The following ZNF7 variants were observed in gnomAD, a reference collection of about 807,000 sequenced individuals.
ZNF7 encodes C2-H2 type zinc finger protein.
A neutral mutation model predicts 12.0 loss-of-function variants in ZNF7; 10 were observed. The observed-to-expected ratio is 0.83, with a 90% CI of 0.51 to 1.42. The LOEUF (loss-of-function observed/expected upper bound fraction) is 1.42. ZNF7 is among the 40% of genes most tolerant of loss of function. The probability of loss-of-function intolerance (pLI) is 0.00; values close to 1 mark genes in which losing one functional copy is unlikely to be tolerated. For missense variants in ZNF7, 854 were observed against 837.2 expected (o/e 1.02, Z -0.25); for synonymous variants, 334 against 295.0 (o/e 1.13, Z -1.35).
chr8:144,842,717 G>T lies in ZNF7; in HGVS notation c.1610G>T (p.Ser537Ile). The T allele has an allele frequency of 6.2e-7, 1 of 1,614,096 alleles. No individual in the cohort carries two copies. The highest frequency in any genetic ancestry group is 8.5e-7 in the Non-Finnish European group (1 of 1,180,022). The change falls in exon 5 of 5, where the codon AGC becomes ATC. Residue 537 changes from serine to isoleucine, a missense_variant. Transcript: ENST00000532777. ...CAATGCGGAAAAGCCTTCAGTATGA[G>T]CACACAGCTTACAATACATCAAAGG... ...CLQCGKAFSM[S>I]TQLTIHQRVH... is the part of the protein sequence containing the mutation.
At position 144,842,473 on chromosome 8, in the gene ZNF7, C is replaced by T; in HGVS notation, c.1366C>T (p.Leu456Phe). Residue 456 changes from leucine to phenylalanine, a missense_variant, in exon 5 of 5, where the codon CTT becomes TTT. By Grantham distance (22) the Leu-to-Phe change is conservative. Coordinates refer to ENST00000532777, the MANE Select transcript of ZNF7 (RefSeq NM_003416.4). ...CTKAFGCSSR[L>F]IRHQRTHTGE... ...AAAAGCCTTTGGTTGTAGTTCACGG[C>T]TTATTCGCCATCAGAGAACTCACAC... is the stretch of plus-strand genomic sequence containing the variant. 2 of 1,614,148 alleles carry T rather than the reference C, an allele frequency of 1.2e-6. No individual in the cohort carries two copies. The highest frequency in any genetic ancestry group is 1.1e-5 in the South Asian group (1 of 91,080).
chr8:144,834,829 C>T (rs1828815537), intron 3 of ZNF7: 1 of 151,778 alleles, frequency 6.6e-6, no homozygotes, highest in African/African-American at 2.4e-5. Flanking sequence ...CAAGCTCCGC[C>T]TCCCAGGTTC....
intron 3 of ZNF7, among the ~76,000 whole-genome samples, chr8:144,831,780 CT>C (rs1318130374): frequency 3.2e-5 from 2 of 62,364 alleles, no homozygotes; most frequent in Non-Finnish European, 6.2e-5. Flanking sequence ...GAGACTCCAT[CT>C]AAAAAAAAAA....
chr8:144,837,704 C>T (rs1454114760), intron 4 of ZNF7, among the ~76,000 whole-genome samples, 197 bp downstream of exon 4: 1 of 152,194 alleles, frequency 6.6e-6, no homozygotes, highest in Non-Finnish European at 1.5e-5. Flanking sequence ...GGCCAAACTG[C>T]AGAAGAGCCA....
intron 4 of ZNF7, among the ~76,000 whole-genome samples, chr8:144,840,885 T>G (rs892472260): frequency 1.3e-5 from 2 of 152,184 alleles, no homozygotes. Flanking sequence ...GCTCACGTAG[T>G]AAGTCCCTTG....
At position 144,842,258 on chromosome 8, in the gene ZNF7, A is replaced by G; in HGVS notation, c.1151A>G (p.His384Arg). 1 of 1,614,188 alleles carries G rather than the reference A, an allele frequency of 6.2e-7. No individual in the cohort carries two copies. The highest frequency in any genetic ancestry group is 8.5e-7 in the Non-Finnish European group (1 of 1,180,058). Residue 384 changes from histidine to arginine, a missense_variant, in exon 5 of 5, where the codon CAT (histidine) becomes CGT (arginine). Coordinates refer to ENST00000532777, the MANE Select transcript of ZNF7 (RefSeq NM_003416.4). ...SSTLAQHQRM[H>R]TGEKAQILKA... ...ACCCTAGCCCAGCATCAAAGGATGC[A>G]TACTGGGGAGAAAGCTCAAATTCTA...
In ZNF7 at chr8:144,843,349, G is replaced by A. The variant is rs1184982070; in HGVS notation, c.*181G>A. 5 of 696,466 alleles carry A rather than the reference G, an allele frequency of 7.2e-6. No homozygotes were observed. The highest frequency in any genetic ancestry group is 3.7e-5 in the African/African-American group (2 of 54,408). 43.1% of individuals were successfully genotyped at this position (696,466 alleles called of 1,614,324 possible). ...TTATGCCTGTCATCCCAGCACTTTG[G>A]GAGGCCAAGGCGGGCACATCACGAG... On this transcript the variant is annotated 3_prime_UTR_variant, in exon 5 of 5. Coordinates refer to ENST00000532777, the MANE Select transcript of ZNF7 (RefSeq NM_003416.4).
rs1828158213 is a variant in ZNF7 at position 144,829,296 on chromosome 8, C to G, written c.4-182C>G. ...TTGAGGGGGGAGGGTTGTATGACCA[C>G]CATGGACTGGGTTCCTTCCTCCTCC... is the stretch of plus-strand genomic sequence containing the variant. On this transcript the variant is annotated intron_variant, in intron 2 of 4. Transcript: ENST00000532777. The G allele has an allele frequency of 6.5e-6, 10 of 1,535,910 alleles. No homozygotes were observed. In the Admixed American group the frequency reaches 1.9e-4, roughly 30 times the overall value.
At chr8:144,839,688 A>C (rs1829602949) in intron 4 of ZNF7, among the ~76,000 whole-genome samples, 1 of 152,258 alleles carries the variant, frequency 6.6e-6, no homozygotes, top group Non-Finnish European at 1.5e-5. Context: ...CCTCTTAGAT[A>C]AAACATGCAG....
At chr8:144,828,014 G>C (rs768255319) in intron 1 of ZNF7, 3 of 152,312 alleles carry the variant, frequency 2.0e-5, no homozygotes, top group Non-Finnish European at 4.4e-5. Flanking sequence ...GAAGGCCTAG[G>C]ATAAGTGACA....
In ZNF7 at chr8:144,841,338, G is replaced by A; in HGVS notation, c.248-17G>A. On this transcript the variant is annotated splice_polypyrimidine_tract_variant and intron_variant, in intron 4 of 4. Transcript: ENST00000532777. ...AGCACAGGGCCTAAGGAACGTCTTTGTTCCTGTTTATTTCAGATTCTACGA... is the reference window on the plus strand; with the variant it reads ...AGCACAGGGCCTAAGGAACGTCTTTATTCCTGTTTATTTCAGATTCTACGA... 1.9e-6 allele frequency: 3 copies of A among 1,589,628 alleles called. No homozygotes were observed. Among genetic ancestry groups the A allele is most frequent in the South Asian group, 1.1e-5 (1 of 88,836 alleles).
At chr8:144,830,823 T>G (rs1388492876) in intron 3 of ZNF7, 1 of 399,714 alleles carries the variant, frequency 2.5e-6, no homozygotes, top group African/African-American at 2.1e-5. Flanking sequence ...CACCTCCGCC[T>G]CCTGGGTTCA....
chr8:144,832,608 A>C (rs946924378), intron 3 of ZNF7, among the ~76,000 whole-genome samples: 10 of 150,710 alleles, frequency 6.6e-5, no homozygotes, highest in African/African-American at 2.2e-4. Context: ...GGTGGTTGTA[A>C]TCTTGGCTTC....
chr8:144,828,378 TC>T (rs1159358825), intron 1 of ZNF7, among the ~76,000 whole-genome samples: 4 of 152,126 alleles, frequency 2.6e-5, no homozygotes, highest in African/African-American at 9.7e-5. Context: ...GGTTTCCATG[TC>T]CACTCTTGTC....
At chr8:144,845,109 G>A (rs1030137462), downstream of ZNF7, among the ~76,000 whole-genome samples, 4 of 152,104 alleles carry the variant, frequency 2.6e-5, no homozygotes, top group Admixed American at 6.5e-5. Context: ...TTTATGGTGC[G>A]GGACAGCTTT....
At position 144,833,348 on chromosome 8, in the gene ZNF7, T is replaced by G. The variant is rs1047427220; in HGVS notation, c.130+3744T>G. On this transcript the variant is annotated intron_variant, in intron 3 of 4. Coordinates refer to ENST00000532777, the MANE Select transcript of ZNF7 (RefSeq NM_003416.4). Reference sequence around the variant, plus strand: ...CTGCTTTTGGTTTGTTTTGGTTTTTTTTTGTTTGTTTGTTCATTTGTGTTT... The same window carrying G: ...CTGCTTTTGGTTTGTTTTGGTTTTTGTTTGTTTGTTTGTTCATTTGTGTTT... 2.8e-4 allele frequency among the ~76,000 whole-genome samples: 41 copies of G among 146,020 alleles called. 2 individuals are homozygous for G. Among genetic ancestry groups the G allele is most frequent in the South Asian group, 4.4e-4 (2 of 4,544 alleles).
downstream of ZNF7, chr8:144,846,196 C>T: frequency 6.5e-7 from 1 of 1,535,232 alleles, no homozygotes; most frequent in Non-Finnish European, 8.7e-7. Context: ...AGATTCTGTG[C>T]TAACCATAAT....
At chr8:144,838,039 T>C in intron 4 of ZNF7, 1 of 696,052 alleles carries the variant, frequency 1.4e-6, no homozygotes, top group Non-Finnish European at 2.6e-6. Flanking sequence ...AACCGGGGGG[T>C]CAGCAAGCAG....
rs1361168106 is a variant in ZNF7, at chr8:144,843,359, G to A, written c.*191G>A. On this transcript the variant is annotated 3_prime_UTR_variant, in exon 5 of 5. Coordinates refer to ENST00000532777, the MANE Select transcript of ZNF7 (RefSeq NM_003416.4). ...CATCCCAGCACTTTGGGAGGCCAAG[G>A]CGGGCACATCACGAGGTCAGGAGGT... 36 of 614,822 alleles carry A rather than the reference G, an allele frequency of 5.9e-5. No homozygotes were observed. The East Asian group carries it at 1.1e-3, about 18-fold the overall frequency. The allele number at this position is 614,822 out of a possible 1,614,324, so 38.1% of individuals were successfully genotyped here. A position where few individuals can be genotyped will look rare whatever the true frequency, so the allele number is the denominator to read the frequency against.
Sources: gnomAD v4.1 joint callset for allele counts (sites outside exome capture counted in the v4.1 genomes callset) on GRCh38, gnomAD v4.1.1 for gene constraint, MANE v1.5 for transcripts, NCBI Gene and HGNC (gene_info 2026-07-23, HGNC 2026-07-21) for gene names.